Variants in BRINP2 observed in about 807,000 individuals in gnomAD.
The protein encoded by BRINP2 is BMP/retinoic acid inducible neural specific 2, also known as BMP/retinoic acid-inducible neural-specific protein 2.
A neutral mutation model predicts 69.2 loss-of-function variants in BRINP2; 21 were observed. The observed-to-expected ratio is 0.30, with a 90% CI of 0.22 to 0.44. The LOEUF (loss-of-function observed/expected upper bound fraction) is 0.44, where lower values mean the gene tolerates loss of function less well. BRINP2 is among the 20% of genes least tolerant of loss of function. The pLI, the probability that BRINP2 is intolerant of heterozygous loss-of-function variation, is 1.00. For synonymous variants in BRINP2, 380 were observed against 394.1 expected (o/e 0.96, Z 0.42); for missense variants, 877 against 986.0 (o/e 0.89, Z 1.48).
At chr1:177,273,899 A>G (rs1052109843) in intron 5 of BRINP2, among the ~76,000 whole-genome samples, 1 of 142,790 alleles carries the variant, frequency 7.0e-6, no homozygotes, top group Non-Finnish European at 1.6e-5. Context: ...ACCCATCCTT[A>G]TAAGAAGCCT....
Position 177,281,297 on chromosome 1 carries a change from A to G in BRINP2, c.2121A>G (p.Pro707=). 6.2e-7 allele frequency: 1 copy of G among 1,614,114 alleles called. No homozygotes were observed. The highest frequency in any genetic ancestry group is 8.5e-7 in the Non-Finnish European group (1 of 1,180,028). ...ACTTAATTCTCCAGTTGGACTACCCATATACTCAAGGTTCCCAGGACTCTG... is the reference window on the plus strand; with the variant it reads ...ACTTAATTCTCCAGTTGGACTACCCGTATACTCAAGGTTCCCAGGACTCTG... The part of the protein sequence containing the change: ...IRDLILQLDY[P]YTQGSQDSAL... Residue 707 remains proline (P), a synonymous_variant, in exon 8 of 8, where the codon CCA becomes CCG. Transcript: ENST00000361539.
chr1:177,178,051 C>A (rs1314001070), intron 1 of BRINP2, among the ~76,000 whole-genome samples: 2 of 152,222 alleles, frequency 1.3e-5, no homozygotes, highest in African/African-American at 4.8e-5. Context: ...TCTCACACTG[C>A]CCCTACATGC....
chr1:177,193,177 G>A (rs905061009), intron 1 of BRINP2, among the ~76,000 whole-genome samples: 4 of 152,182 alleles, frequency 2.6e-5, no homozygotes, highest in Non-Finnish European at 5.9e-5. Context: ...TTTTAATGAT[G>A]AGGATCTCAT....
At chr1:177,194,976 T>C (rs570496405) in intron 1 of BRINP2, among the ~76,000 whole-genome samples, 1 of 152,166 alleles carries the variant, frequency 6.6e-6, no homozygotes, top group African/African-American at 2.4e-5. Context: ...ATTTTCTCAT[T>C]GTTTCACCAA....
At chr1:177,239,869 C>G (rs1650140792) in intron 2 of BRINP2, among the ~76,000 whole-genome samples, 1 of 152,178 alleles carries the variant, frequency 6.6e-6, no homozygotes. Flanking sequence ...GAGTTCCCAG[C>G]CATGTCTTCT....
rs374139849 is a variant in BRINP2 at position 177,172,310 on chromosome 1, T to C, written c.-77+578T>C. ...GGTGGCAGAAGCCCCATTGATTGAC[T>C]TGAGCCTGGCAGAGCACTGGAGACA... On this transcript the variant is annotated intron_variant, in intron 1 of 7. Coordinates refer to ENST00000361539, the MANE Select transcript of BRINP2 (RefSeq NM_021165.4). Among the ~76,000 whole-genome samples the C allele has an allele frequency of 7.2e-5, 11 of 152,320 alleles. No homozygotes were observed. The South Asian group carries it at 1.0e-3, about 14-fold the overall frequency.
In BRINP2 at chr1:177,201,556, A is replaced by T. The variant is rs559890368; in HGVS notation, c.-76-28245A>T. ...AACACTGAAAATTTTTTGCTTGAAG[A>T]ATTAAAATTTGTTGGATATTTAGCT... On this transcript the variant is annotated intron_variant, in intron 1 of 7. Transcript: ENST00000361539. 3.3e-5 allele frequency among the ~76,000 whole-genome samples: 5 copies of T among 152,298 alleles called. No individual in the cohort carries two copies. The East Asian group carries it at 9.7e-4, about 29-fold the overall frequency.
chr1:177,241,962 G>A (rs2102334104), intron 2 of BRINP2, among the ~76,000 whole-genome samples: 1 of 152,330 alleles, frequency 6.6e-6, no homozygotes, highest in East Asian at 1.9e-4. Flanking sequence ...AGCTGTTACT[G>A]AGTTTGATTT....
rs763602017 is a variant in BRINP2, at chr1:177,230,064, G to A, written c.188G>A (p.Gly63Asp). ...CTGGACTGGCTGCTCACAGACCGGG[G>A]CCCCTTCCACCGCGCTCAGGAGTAT... is the stretch of plus-strand genomic sequence containing the variant. Reference protein sequence around the residue: ...HPLDWLLTDRGPFHRAQEYAD... With the variant: ...HPLDWLLTDRDPFHRAQEYAD... Residue 63 changes from glycine (G) to aspartate (D), a missense_variant, in exon 2 of 8, where the codon GGC (glycine) becomes GAC (aspartate). Around this residue, in one of 3 missense-constraint regions of BRINP2, gnomAD observed 566 missense variants for 625.2 expected, o/e 0.91. Coordinates refer to ENST00000361539, the MANE Select transcript of BRINP2 (RefSeq NM_021165.4). The A allele has an allele frequency of 4.0e-5, 65 of 1,613,736 alleles. No individual in the cohort carries two copies. Among genetic ancestry groups the A allele is most frequent in the Non-Finnish European group, 5.3e-5 (62 of 1,180,014 alleles).
intron 6 of BRINP2, among the ~76,000 whole-genome samples, chr1:177,278,135 G>T (rs575263664): frequency 4.5e-4 from 69 of 152,114 alleles, no homozygotes; most frequent in African/African-American, 1.6e-3. Context: ...CAGTCTGGGT[G>T]CACACTCACC....
At chr1:177,238,663 C>T (rs930750700) in intron 2 of BRINP2, among the ~76,000 whole-genome samples, 3 of 152,100 alleles carry the variant, frequency 2.0e-5, no homozygotes, top group East Asian at 1.9e-4. Context: ...AGCAGGCTCT[C>T]GCCAATCTCC....
chr1:177,174,354 C>G lies in BRINP2; in HGVS notation c.-77+2622C>G, dbSNP rs191228609. ...GTTACAATGACACAAGGTTTCTCCT[C>G]CGGGACTAACTTAAAAGCAGTGAAG... On this transcript the variant is annotated intron_variant, in intron 1 of 7. Transcript: ENST00000361539. Among the ~76,000 whole-genome samples the G allele has an allele frequency of 4.8e-4, 73 of 152,342 alleles. 3 individuals are homozygous for G. The East Asian group carries it at 5.4e-3, about 11-fold the overall frequency.
rs757185558 is a variant in BRINP2, at chr1:177,280,650, C to T, written c.1474C>T (p.Arg492Trp). 27 of 1,614,028 alleles carry T rather than the reference C, an allele frequency of 1.7e-5. No homozygotes were observed. Among genetic ancestry groups the T allele is most frequent in the Middle Eastern group, 1.6e-4 (1 of 6,084 alleles). Residue 492 changes from arginine to tryptophan, a missense_variant, in exon 8 of 8, where the codon CGG (arginine) becomes TGG (tryptophan). Arg to Trp is a moderately radical substitution (Grantham distance 101). Around this residue, in one of 3 missense-constraint regions of BRINP2, gnomAD observed 86 missense variants for 142.1 expected, o/e 0.61. Transcript: ENST00000361539. The stretch of plus-strand genomic sequence containing the variant: ...CTATGTGCTGGCCCAGGGGCTGTGC[C>T]GGCCAGAGGTGGCCGAGTCCCTGGA... ...PGYVLAQGLC[R>W]PEVAESLENF...
Position 177,230,131 on chromosome 1 carries a change from G to T in BRINP2, c.255G>T (p.Arg85Ser), listed in dbSNP as rs1453438863. The change falls in exon 2 of 8, where the codon AGG becomes AGT. Residue 85 changes from arginine to serine, a missense_variant. Physicochemically the swap from Arg to Ser is moderately radical, Grantham distance 110. Transcript: ENST00000361539. ...MERYRQGFTT[R>S]YRIYREFARW... ...GGTACCGCCAGGGTTTCACCACCAG[G>T]TACAGGATTTATAGGTAAGTGGGGG... The T allele has an allele frequency of 1.9e-6, 3 of 1,607,988 alleles. No individual in the cohort carries two copies. Among genetic ancestry groups the T allele is most frequent in the Non-Finnish European group, 2.6e-6 (3 of 1,176,352 alleles).
At chr1:177,270,465 A>G (rs1460438896) in intron 4 of BRINP2, among the ~76,000 whole-genome samples, 2 of 151,348 alleles carry the variant, frequency 1.3e-5, no homozygotes, top group Admixed American at 1.3e-4. Flanking sequence ...ATTGCATCAA[A>G]GATAGCCCAG....
At position 177,281,504 on chromosome 1, in the gene BRINP2, T is replaced by C. The variant is rs768650659; in HGVS notation, c.2328T>C (p.Tyr776=). 6.2e-7 allele frequency: 1 copy of C among 1,608,094 alleles called. No homozygotes were observed. Among genetic ancestry groups the C allele is most frequent in the Non-Finnish European group, 8.5e-7 (1 of 1,179,082 alleles). ...CTAAGCTGCCAAACCCTGTGGAATATGAGACCGGCAAACTCTGTAGCTAAT... is the reference window on the plus strand; with the variant it reads ...CTAAGCTGCCAAACCCTGTGGAATACGAGACCGGCAAACTCTGTAGCTAAT... ...FNSKLPNPVE[Y]ETGKLCS Residue 776 remains tyrosine (Y), a synonymous_variant, in exon 8 of 8, where the codon TAT becomes TAC. Transcript: ENST00000361539.
Position 177,189,238 on chromosome 1 carries a change from G to GA in BRINP2, c.-77+17516dup, listed in dbSNP as rs370806337. Among the ~76,000 whole-genome samples, 15 of 147,282 alleles carry GA rather than the reference G, an allele frequency of 1.0e-4. No individual in the cohort carries two copies. The East Asian group carries it at 1.6e-3, about 15-fold the overall frequency. ...ACCAAAAACTGTAAGTAAGGAAGCT[G>GA]AAAAAAAAAAGGTACTTTGGATTTT... On this transcript the variant is annotated intron_variant, in intron 1 of 7. Coordinates refer to ENST00000361539, the MANE Select transcript of BRINP2 (RefSeq NM_021165.4).
intron 2 of BRINP2, among the ~76,000 whole-genome samples, chr1:177,242,565 C>T (rs190359524): frequency 1.1e-4 from 16 of 152,266 alleles, no homozygotes; most frequent in Admixed American, 2.0e-4. Flanking sequence ...ATTATCATCG[C>T]CATATGAAGT....
chr1:177,275,219 C>A (rs1177620342), intron 5 of BRINP2: 3 of 456,126 alleles, frequency 6.6e-6, no homozygotes, highest in Non-Finnish European at 1.3e-5. Context: ...GGCTTGAAGC[C>A]AACTAGGAGT....
Sources: allele counts gnomAD v4.1 joint callset (sites outside exome capture counted in the v4.1 genomes callset), GRCh38; gene constraint gnomAD v4.1.1; regional missense constraint gnomAD v4.1.1; transcripts MANE v1.5; gene names NCBI Gene and HGNC (gene_info 2026-07-23, HGNC 2026-07-21).